Variants in NDUFAF6 observed in about 807,000 individuals in gnomAD.
NDUFAF6 encodes NADH dehydrogenase (ubiquinone) complex I, assembly factor 6.
Under a neutral mutation model 40.8 loss-of-function variants are expected in NDUFAF6, and 45 were observed. The observed-to-expected ratio is 1.10, with a 90% confidence interval of 0.87 to 1.42. NDUFAF6 has a LOEUF of 1.42. Ranked by LOEUF, NDUFAF6 falls within the 40% of genes most tolerant of loss-of-function variation. The probability of loss-of-function intolerance (pLI) is 0.00; values close to 1 mark genes in which losing one functional copy is unlikely to be tolerated. For missense variants in NDUFAF6, 435 were observed against 418.5 expected, an observed-to-expected ratio of 1.04 and a Z score of -0.34; for synonymous variants, 185 against 155.9, an observed-to-expected ratio of 1.19 and a Z score of -1.39.
chr8:94,946,266 T>C (rs1373422738), intron 2 of NDUFAF6, among the ~76,000 whole-genome samples: 1 of 152,202 alleles, frequency 6.6e-6, no homozygotes, highest in African/African-American at 2.4e-5. Context: ...GGTGGCTGAC[T>C]GAGTCTAATA....
At chr8:94,976,411 C>T (rs1824942525) in intron 1 of NDUFAF6, among the ~76,000 whole-genome samples, 2 of 145,234 alleles carry the variant, frequency 1.4e-5, no homozygotes, top group African/African-American at 5.2e-5. Flanking sequence ...GGCTGAGTTA[C>T]GAGAATCACT....
chr8:94,968,617 G>A (rs1824208166), intron 1 of NDUFAF6, among the ~76,000 whole-genome samples: 1 of 152,160 alleles, frequency 6.6e-6, no homozygotes, highest in Admixed American at 6.5e-5. Context: ...CAGAGAGGTG[G>A]GGTGGGATCA....
chr8:95,039,056 A>G lies in NDUFAF6; in HGVS notation c.421-2514A>G, dbSNP rs145623380. Among the ~76,000 whole-genome samples the G allele has an allele frequency of 1.4e-3, 217 of 151,274 alleles. 1 individual carries two copies. Among genetic ancestry groups the G allele is most frequent in the African/African-American group, 5.1e-3 (209 of 41,218 alleles). On this transcript the variant is annotated intron_variant, in intron 3 of 8. Coordinates refer to ENST00000396124, the MANE Select transcript of NDUFAF6 (RefSeq NM_152416.4). ...GAGTGTCATTATCTCAGCTCACTGCAACTTTCACCTGCTGGGCTCAAGCCA... is the reference window on the plus strand; with the variant it reads ...GAGTGTCATTATCTCAGCTCACTGCGACTTTCACCTGCTGGGCTCAAGCCA...
chr8:94,908,274 G>A (rs536333122), intron 1 of NDUFAF6, among the ~76,000 whole-genome samples: 1 of 152,326 alleles, frequency 6.6e-6, no homozygotes, highest in South Asian at 2.1e-4. Context: ...CCATAAATAT[G>A]TGTGGAATGA....
downstream of NDUFAF6, among the ~76,000 whole-genome samples, chr8:95,104,874 G>A (rs536637112): frequency 5.3e-5 from 8 of 152,214 alleles, no homozygotes; most frequent in South Asian, 1.0e-3. Flanking sequence ...GATGAGCTGC[G>A]GCAGCCAGAG....
chr8:95,045,789 T>C, intron 5 of NDUFAF6, 142 bp downstream of exon 5: 2 of 642,928 alleles, frequency 3.1e-6, no homozygotes, highest in Non-Finnish European at 5.4e-6. Flanking sequence ...TTTTTTGTTA[T>C]TATTATTAGC....
chr8:95,105,716 T>C (rs1480069204), downstream of NDUFAF6, among the ~76,000 whole-genome samples: 1 of 152,132 alleles, frequency 6.6e-6, no homozygotes, highest in East Asian at 1.9e-4. Context: ...TTGGCCAGGC[T>C]GGTCTTGAAC....
chr8:94,989,140 G>A (rs1364088175), intron 2 of NDUFAF6: 1 of 152,066 alleles, frequency 6.6e-6, no homozygotes, highest in Non-Finnish European at 1.5e-5. Context: ...TGTATGCTAT[G>A]TGAATTATAT....
exon 10 of NDUFAF6, chr8:95,075,735 G>T: frequency 3.1e-6 from 4 of 1,281,538 alleles, no homozygotes; most frequent in Non-Finnish European, 4.1e-6. Flanking sequence ...CTGGTTCTAG[G>T]CATGCGCACT....
chr8:95,075,878 C>T (rs924909931), exon 10 of NDUFAF6: 84 of 399,354 alleles, frequency 2.1e-4, no homozygotes, highest in Non-Finnish European at 9.0e-5. Context: ...AAACACAGGT[C>T]GATGTTAGTG....
chr8:95,035,882 T>G (rs1181332163), intron 3 of NDUFAF6, among the ~76,000 whole-genome samples: 1 of 152,244 alleles, frequency 6.6e-6, no homozygotes, highest in Non-Finnish European at 1.5e-5. Flanking sequence ...TTTGATATAA[T>G]AGCAAGTAAA....
chr8:95,051,378 T>C (rs1587154048), intron 7 of NDUFAF6, among the ~76,000 whole-genome samples: 2 of 152,088 alleles, frequency 1.3e-5, no homozygotes, highest in South Asian at 4.2e-4. Flanking sequence ...TACAGAGAGA[T>C]TGAAGAGAAA....
At chr8:95,064,940 C>T (rs143890302) in intron 9 of NDUFAF6, among the ~76,000 whole-genome samples, 4 of 152,206 alleles carry the variant, frequency 2.6e-5, no homozygotes, top group Non-Finnish European at 4.4e-5. Context: ...TATGCCTATC[C>T]AATGAAGTCT....
At chr8:95,075,600 T>C (rs1227258894) in intron 9 of NDUFAF6, 1 of 1,286,678 alleles carries the variant, frequency 7.8e-7, no homozygotes, top group African/African-American at 1.5e-5. Flanking sequence ...TCTAGTTGGC[T>C]TGGTGAATAA....
intron 1 of NDUFAF6, among the ~76,000 whole-genome samples, chr8:94,968,042 G>A (rs1299788421): frequency 6.6e-6 from 1 of 152,104 alleles, no homozygotes; most frequent in African/African-American, 2.4e-5. Flanking sequence ...TAGTTGGCAG[G>A]CCCCAGGTCG....
chr8:95,095,516 C>T (rs989866042), upstream of NDUFAF6, among the ~76,000 whole-genome samples: 5 of 152,116 alleles, frequency 3.3e-5, no homozygotes, highest in African/African-American at 9.7e-5. Context: ...AAGGTCTGTC[C>T]CCCAAGACTT....
chr8:94,952,235 TG>T (rs1187765329), intron 2 of NDUFAF6, among the ~76,000 whole-genome samples: 1 of 152,258 alleles, frequency 6.6e-6, no homozygotes, highest in Non-Finnish European at 1.5e-5. Flanking sequence ...CTAATGCCTC[TG>T]CCTCCTGCTT....
downstream of NDUFAF6, among the ~76,000 whole-genome samples, chr8:95,079,719 CT>C (rs11440357): frequency 8.3e-4 from 122 of 146,530 alleles, no homozygotes; most frequent in African/African-American, 1.3e-3. Flanking sequence ...TTTTTTTAGA[CT>C]TTTTTTTTTT....
Position 95,090,934 on chromosome 8 carries a change from G to A in NDUFAF6, n.214-10198G>A, listed in dbSNP as rs551215528. ...GTTCTTCAGTTTTGAGACTCGGACT[G>A]CCTCTCCTTGCTCCTCAAGCTTGCA... On this transcript the variant is annotated intron_variant and non_coding_transcript_variant, in intron 2 of 5. Transcript: ENST00000523184. 4.0e-5 allele frequency among the ~76,000 whole-genome samples: 6 copies of A among 151,382 alleles called. No homozygotes were observed. In the East Asian group the frequency reaches 1.2e-3, roughly 29 times the overall value.
Sources: allele counts gnomAD v4.1 joint callset (sites outside exome capture counted in the v4.1 genomes callset), GRCh38; gene constraint gnomAD v4.1.1; transcripts MANE v1.5; gene names NCBI Gene and HGNC (gene_info 2026-07-23, HGNC 2026-07-21).